The following FGD4 variants were observed in gnomAD, a reference collection of about 807,000 sequenced individuals.
FGD4 encodes the protein FYVE, RhoGEF and PH domain-containing protein 4.
In FGD4, 42 loss-of-function variants were observed where a neutral mutation model predicts 102.0. The observed-to-expected ratio is 0.41, with a 90% CI of 0.32 to 0.53. The LOEUF is 0.53. Among genes scored for constraint, FGD4 ranks in the 20% least tolerant of loss-of-function variants. The pLI, the probability that FGD4 is intolerant of heterozygous loss-of-function variation, is 0.21. For missense variants in FGD4, 902 were observed against 1,078.2 expected (o/e 0.84, Z 2.29); for synonymous variants, 380 against 375.7 (o/e 1.01, Z -0.13).
intron 1 of FGD4, among the ~76,000 whole-genome samples, chr12:32,494,495 A>C (rs1004985558): frequency 1.3e-5 from 2 of 152,196 alleles, no homozygotes; most frequent in African/African-American, 4.8e-5. Context: ...TCCATGTCTG[A>C]ACTGATAATT....
intron 4 of FGD4, among the ~76,000 whole-genome samples, chr12:32,591,662 G>A (rs1395872172): frequency 6.6e-6 from 1 of 152,152 alleles, no homozygotes; most frequent in Non-Finnish European, 1.5e-5. Context: ...CTGCAGTGGG[G>A]GCCCTTTGTT....
At chr12:32,550,315 A>G (rs1943548592) in intron 1 of FGD4, among the ~76,000 whole-genome samples, 1 of 152,206 alleles carries the variant, frequency 6.6e-6, no homozygotes, top group Non-Finnish European at 1.5e-5. Flanking sequence ...TAATTCTTAT[A>G]GACCAGTTAG....
intron 1 of FGD4, among the ~76,000 whole-genome samples, chr12:32,534,020 G>A (rs1443045361): frequency 1.3e-5 from 2 of 152,176 alleles, no homozygotes; most frequent in Non-Finnish European, 2.9e-5. Context: ...AACATCTTTG[G>A]TCCAGGGCAG....
At chr12:32,450,747 G>C (rs539048156) in intron 1 of FGD4, among the ~76,000 whole-genome samples, 1 of 152,292 alleles carries the variant, frequency 6.6e-6, no homozygotes, top group Non-Finnish European at 1.5e-5. Flanking sequence ...CTCTCTAAAA[G>C]TCATGAATTG....
intron 1 of FGD4, among the ~76,000 whole-genome samples, chr12:32,522,995 C>T (rs1940710830): frequency 6.6e-6 from 1 of 152,186 alleles, no homozygotes; most frequent in South Asian, 2.1e-4. Flanking sequence ...TCAATCTTCC[C>T]TTCTTCAGTG....
At chr12:32,627,703 T>G (rs138625672) in intron 14 of FGD4, among the ~76,000 whole-genome samples, 2 of 152,192 alleles carry the variant, frequency 1.3e-5, no homozygotes, top group Admixed American at 1.3e-4. Flanking sequence ...TAACAAGATA[T>G]AGCAACTCAG....
At chr12:32,451,834 CAAAAA>C (rs60760923) in intron 1 of FGD4, among the ~76,000 whole-genome samples, 24 of 24,142 alleles carry the variant, frequency 9.9e-4, no homozygotes, top group African/African-American at 2.5e-3. Flanking sequence ...AACTCCATCT[CAAAAA>C]AAAAAAAAAA....
intron 1 of FGD4, among the ~76,000 whole-genome samples, chr12:32,417,346 G>C (rs1454575315): frequency 6.6e-6 from 1 of 151,900 alleles, no homozygotes; most frequent in Non-Finnish European, 1.5e-5. Flanking sequence ...ACTATTCTAG[G>C]GTAAATTTTT....
intron 1 of FGD4, among the ~76,000 whole-genome samples, chr12:32,463,005 C>T (rs1163307773): frequency 6.6e-6 from 1 of 152,222 alleles, no homozygotes; most frequent in Non-Finnish European, 1.5e-5. Flanking sequence ...CTTGTGTTAA[C>T]TCACATCACT....
intron 4 of FGD4, among the ~76,000 whole-genome samples, chr12:32,588,635 T>C (rs1164807860): frequency 6.6e-6 from 1 of 152,194 alleles, no homozygotes; most frequent in Non-Finnish European, 1.5e-5. Context: ...ACAGTGACCA[T>C]GATTCTGAGA....
intron 7 of FGD4, among the ~76,000 whole-genome samples, chr12:32,606,490 C>T (rs575570287): frequency 1.3e-5 from 2 of 148,356 alleles, no homozygotes; most frequent in South Asian, 4.2e-4. Flanking sequence ...AAGAAAACCT[C>T]TCTGTCCCTT....
chr12:32,529,641 G>A (rs1286821915), intron 1 of FGD4, among the ~76,000 whole-genome samples: 2 of 151,026 alleles, frequency 1.3e-5, no homozygotes, highest in East Asian at 3.9e-4. Flanking sequence ...TCAGGAGCTC[G>A]AGACCAGCCT....
intron 4 of FGD4, among the ~76,000 whole-genome samples, chr12:32,594,002 G>A (rs1263157053): frequency 6.6e-6 from 1 of 152,210 alleles, no homozygotes; most frequent in African/African-American, 2.4e-5. Context: ...GGATCTGGTG[G>A]TAGGAGCATA....
At chr12:32,638,084 G>C (rs1811615556) in intron 15 of FGD4, among the ~76,000 whole-genome samples, 1 of 152,160 alleles carries the variant, frequency 6.6e-6, no homozygotes, top group South Asian at 2.1e-4. Flanking sequence ...GCTCTGTTCT[G>C]GGCACAGTGA....
chr12:32,510,292 C>T lies in FGD4; in HGVS notation c.167-53845C>T, dbSNP rs146120069. ...TTCATGGGATTGTAAGTTATACAACCATTAAAACATCTTCACAAAATGTGG... is the reference window on the plus strand; with the variant it reads ...TTCATGGGATTGTAAGTTATACAACTATTAAAACATCTTCACAAAATGTGG... On this transcript the variant is annotated intron_variant, in intron 1 of 16. Coordinates refer to ENST00000534526, the MANE Select transcript of FGD4 (RefSeq NM_001370298.3). Among the ~76,000 whole-genome samples the T allele has an allele frequency of 9.9e-3, 1,508 of 152,238 alleles. 7 individuals carry two copies. Among genetic ancestry groups the T allele is most frequent in the Middle Eastern group, 0.027 (8 of 294 alleles).
At chr12:32,580,495 C>T (rs749540440) in intron 3 of FGD4, among the ~76,000 whole-genome samples, 8 of 152,092 alleles carry the variant, frequency 5.3e-5, no homozygotes, top group Non-Finnish European at 1.2e-4. Flanking sequence ...GTTTTAGTTG[C>T]TTTATTTCTT....
intron 1 of FGD4, among the ~76,000 whole-genome samples, chr12:32,520,598 G>A (rs538241113): frequency 6.6e-6 from 1 of 151,950 alleles, no homozygotes; most frequent in Admixed American, 6.6e-5. Flanking sequence ...ACCACGCCTG[G>A]CTAATTTTTT....
intron 3 of FGD4, among the ~76,000 whole-genome samples, chr12:32,578,527 A>G (rs1946318595): frequency 1.3e-5 from 2 of 152,162 alleles, no homozygotes; most frequent in Admixed American, 6.5e-5. Flanking sequence ...GTCATATCAT[A>G]CTGTTGTTAA....
intron 1 of FGD4, among the ~76,000 whole-genome samples, chr12:32,424,012 A>G (rs1211139788): frequency 6.6e-6 from 1 of 152,104 alleles, no homozygotes; most frequent in Non-Finnish European, 1.5e-5. Context: ...TTGACTTAAC[A>G]TAATGTTCTC....
Sources: gnomAD v4.1 joint callset for allele counts (sites outside exome capture counted in the v4.1 genomes callset) on GRCh38, gnomAD v4.1.1 for gene constraint, MANE v1.5 for transcripts, NCBI Gene and HGNC (gene_info 2026-07-23, HGNC 2026-07-21) for gene names.